CDKN2B-AS1: variants seen among roughly 807,000 people sequenced by gnomAD.
The protein encoded by CDKN2B-AS1 is CDKN2B antisense RNA 1 (non-protein coding).
intron 4 of CDKN2B-AS1, among the ~76,000 whole-genome samples, chr9:22,108,517 A>G (rs1050299104): frequency 2.0e-5 from 3 of 152,172 alleles, no homozygotes; most frequent in Non-Finnish European, 2.9e-5. Context: ...CCAGTGCAAA[A>G]TCATACAGTT....
rs3028395 is a variant in CDKN2B-AS1 at position 22,045,038 on chromosome 9, T to TTGTGTGTGTGTGTGTGTGTG, written n.30-1699_30-1680dup. 4.1e-3 allele frequency among the ~76,000 whole-genome samples: 581 copies of TTGTGTGTGTGTGTGTGTGTG among 141,928 alleles called. 10 individuals are homozygous for TTGTGTGTGTGTGTGTGTGTG. Among genetic ancestry groups the TTGTGTGTGTGTGTGTGTGTG allele is most frequent in the African/African-American group, 0.015 (544 of 36,548 alleles). 93.1% of individuals were successfully genotyped at this position (141,928 alleles called of 152,430 possible). On this transcript the variant is annotated intron_variant and non_coding_transcript_variant, in intron 1 of 4. Coordinates refer to ENST00000650946, the Ensembl canonical transcript of CDKN2B-AS1. ...TTTCTTTTGGAAAAATATTATTTAT[T>TTGTGTGTGTGTGTGTGTGTG]TGTGTGTGTGTGTGTGTGTGTGTGT...
At position 22,003,092 on chromosome 9, in the gene CDKN2B-AS1, G is replaced by A. The variant is rs957375793; in HGVS notation, n.29+7931G>A. On this transcript the variant is annotated intron_variant and non_coding_transcript_variant, in intron 1 of 4. Coordinates refer to ENST00000650946, the Ensembl canonical transcript of CDKN2B-AS1. ...AAAATAGTAACTATATGTTTTGCAT[G>A]TATCCTTCAAAGTGAAATCCTTAAC... The A allele has an allele frequency of 2.2e-4, 47 of 213,266 alleles. No homozygotes were observed. In the East Asian group the frequency reaches 3.3e-3, roughly 15 times the overall value. 13.2% of individuals were successfully genotyped at this position (213,266 alleles called of 1,614,324 possible). A position where few individuals can be genotyped will look rare whatever the true frequency, so the allele number is the denominator to read the frequency against.
chr9:22,091,425 C>A (rs557481079), intron 4 of CDKN2B-AS1, among the ~76,000 whole-genome samples: 39 of 152,246 alleles, frequency 2.6e-4, no homozygotes, highest in South Asian at 2.5e-3. Flanking sequence ...GGCAGTATGG[C>A]CATTTTCATG....
At chr9:22,097,760 G>T (rs1434354338) in intron 4 of CDKN2B-AS1, among the ~76,000 whole-genome samples, 2 of 152,194 alleles carry the variant, frequency 1.3e-5, no homozygotes, top group Non-Finnish European at 2.9e-5. Flanking sequence ...TTACTAGACT[G>T]CATGTTTGTG....
chr9:22,055,568 C>CCA (rs1223330322), intron 3 of CDKN2B-AS1, among the ~76,000 whole-genome samples: 1 of 151,878 alleles, frequency 6.6e-6, no homozygotes, highest in Admixed American at 6.6e-5. Flanking sequence ...TGTTTTTTTG[C>CCA]CACAGTCTTT....
At chr9:22,050,326 T>A (rs1043800790) in intron 3 of CDKN2B-AS1, among the ~76,000 whole-genome samples, 2 of 152,214 alleles carry the variant, frequency 1.3e-5, no homozygotes, top group Non-Finnish European at 2.9e-5. Context: ...TTGCAATTGA[T>A]TACGTATAGA....
At chr9:22,097,581 G>T (rs573313851) in intron 4 of CDKN2B-AS1, among the ~76,000 whole-genome samples, 1 of 152,052 alleles carries the variant, frequency 6.6e-6, no homozygotes, top group Non-Finnish European at 1.5e-5. Context: ...TTTGCTTTCC[G>T]TACAGACATA....
At chr9:22,069,100 T>C (rs761835412) in intron 4 of CDKN2B-AS1, among the ~76,000 whole-genome samples, 3 of 152,196 alleles carry the variant, frequency 2.0e-5, no homozygotes, top group Non-Finnish European at 4.4e-5. Flanking sequence ...GATGCCTCTT[T>C]TACATTATTA....
intron 1 of CDKN2B-AS1, chr9:22,008,843 G>T: frequency 6.2e-7 from 1 of 1,609,692 alleles, no homozygotes; most frequent in South Asian, 1.1e-5. Flanking sequence ...TGGGATCCGC[G>T]CCGGCTTCCA....
At chr9:22,061,992 A>G (rs1823841520) in intron 4 of CDKN2B-AS1, 1 of 152,228 alleles carries the variant, frequency 6.6e-6, no homozygotes, top group Non-Finnish European at 1.5e-5. Context: ...CCTACGAAGA[A>G]CTCATAAATT....
chr9:22,024,993 C>T (rs1312584118), intron 1 of CDKN2B-AS1, among the ~76,000 whole-genome samples: 2 of 152,210 alleles, frequency 1.3e-5, no homozygotes, highest in African/African-American at 4.8e-5. Flanking sequence ...GATATCAAGT[C>T]TGAAAATTCC....
rs1005967473 is a variant in CDKN2B-AS1, at chr9:22,000,714, A to G, written n.29+5553A>G. ...AACAGAATAAACTGTTTCTTCTTTTATGTTTGTGTATTATTGCTTATAAAT... is the reference window on the plus strand; with the variant it reads ...AACAGAATAAACTGTTTCTTCTTTTGTGTTTGTGTATTATTGCTTATAAAT... On this transcript the variant is annotated intron_variant and non_coding_transcript_variant, in intron 1 of 4. Coordinates refer to ENST00000650946, the Ensembl canonical transcript of CDKN2B-AS1. The surrounding 1 kb of genome is among the most constrained non-coding windows in gnomAD (Gnocchi z 4.1). Among the ~76,000 whole-genome samples, 7 of 152,168 alleles carry G rather than the reference A, an allele frequency of 4.6e-5. No homozygotes were observed. Among genetic ancestry groups the G allele is most frequent in the Non-Finnish European group, 7.4e-5 (5 of 68,006 alleles).
chr9:22,071,290 T>TAGC (rs1174192785), intron 4 of CDKN2B-AS1, among the ~76,000 whole-genome samples: 210 of 17,268 alleles, frequency 0.012, no homozygotes, highest in African/African-American at 0.053. Context: ...TCTAGCTTTT[T>TAGC]TTTTTTTTTT....
intron 1 of CDKN2B-AS1, among the ~76,000 whole-genome samples, chr9:22,042,599 C>T (rs985886927): frequency 2.6e-5 from 4 of 152,108 alleles, no homozygotes; most frequent in Non-Finnish European, 5.9e-5. Context: ...ATGGCCACCA[C>T]TGTGGCCCAA....
rs78643376 is a variant in CDKN2B-AS1, at chr9:22,027,564, C to T, written n.30-19187C>T. ...TAGAAAAAACATCCAAAAATAATGA[C>T]CTTTCTGAATGAAGACTGCTTTTTT... On this transcript the variant is annotated intron_variant and non_coding_transcript_variant, in intron 1 of 4. Transcript: ENST00000650946. 5.9e-3 allele frequency among the ~76,000 whole-genome samples: 898 copies of T among 152,244 alleles called. 3 individuals carry two copies. Among genetic ancestry groups the T allele is most frequent in the Middle Eastern group, 0.014 (4 of 292 alleles).
chr9:22,091,798 A>G (rs1392379458), intron 4 of CDKN2B-AS1, among the ~76,000 whole-genome samples: 3 of 152,084 alleles, frequency 2.0e-5, no homozygotes, highest in Non-Finnish European at 4.4e-5. Flanking sequence ...TCTTTTCCTA[A>G]TTGAATACTA....
intron 4 of CDKN2B-AS1, among the ~76,000 whole-genome samples, chr9:22,097,521 A>T (rs1049282451): frequency 3.9e-5 from 6 of 152,242 alleles, no homozygotes; most frequent in African/African-American, 1.4e-4. Context: ...CAAAGTTGAA[A>T]GAATAATAAC....
chr9:22,113,100 G>A (rs1052796035), intron 4 of CDKN2B-AS1, among the ~76,000 whole-genome samples: 3 of 152,130 alleles, frequency 2.0e-5, no homozygotes, highest in African/African-American at 7.2e-5. Context: ...GTATTATCTC[G>A]CAGTTCCTGT....
chr9:22,028,563 G>A (rs1822335358), intron 1 of CDKN2B-AS1, among the ~76,000 whole-genome samples: 1 of 152,082 alleles, frequency 6.6e-6, no homozygotes, highest in Non-Finnish European at 1.5e-5. Flanking sequence ...TCTCAAATTT[G>A]TACTTAATGT....
Sources: allele counts gnomAD v4.1 joint callset (sites outside exome capture counted in the v4.1 genomes callset), GRCh38; gene constraint gnomAD v4.1.1; non-coding constraint Gnocchi (gnomAD v3.1); transcripts MANE v1.5; gene names NCBI Gene and HGNC (gene_info 2026-07-23, HGNC 2026-07-21).